Variants in MTMR6 observed in about 807,000 individuals in gnomAD.
MTMR6 encodes myotubularin related protein 6.
Under a neutral mutation model 80.1 loss-of-function variants are expected in MTMR6, and 47 were observed. The ratio of observed to expected loss-of-function variants is 0.59; its 90% CI spans 0.46 to 0.75. MTMR6 has a LOEUF of 0.75. Among genes scored for constraint, MTMR6 ranks in the 30% least tolerant of loss-of-function variants. MTMR6 has a pLI of 0.00. For missense variants in MTMR6, 629 were observed against 730.9 expected (o/e 0.86, Z 1.61); for synonymous variants, 254 against 253.0 (o/e 1.00, Z -0.04).
chr13:25,276,876 C>T (rs1404719040), intron 1 of MTMR6, among the ~76,000 whole-genome samples: 2 of 152,158 alleles, frequency 1.3e-5, no homozygotes, highest in African/African-American at 4.8e-5. Flanking sequence ...TTTCACAACT[C>T]CTGTGTAGTA....
rs1957019075 is a variant in MTMR6, at chr13:25,248,146, A to G, written c.*1086T>C. On this transcript the variant is annotated 3_prime_UTR_variant, in exon 14 of 14. Coordinates refer to ENST00000381801, the MANE Select transcript of MTMR6 (RefSeq NM_004685.5). ...CAAGAAGAAAAATAATGCTCCACAT[A>G]GAAATGACTTCAAAATTCATGCAAC... 6.6e-6 allele frequency: 1 copy of G among 152,154 alleles called. No individual in the cohort carries two copies. The highest frequency in any genetic ancestry group is 1.9e-4 in the East Asian group (1 of 5,194). 9.4% of individuals were successfully genotyped at this position (152,154 alleles called of 1,614,324 possible).
At chr13:25,277,695 G>A (rs1957754701) in intron 1 of MTMR6, among the ~76,000 whole-genome samples, 1 of 152,184 alleles carries the variant, frequency 6.6e-6, no homozygotes, top group African/African-American at 2.4e-5. Context: ...AAAACTACTA[G>A]TAGAACACAT....
intron 1 of MTMR6, among the ~76,000 whole-genome samples, chr13:25,282,611 C>CTTTTTT (rs778665309): frequency 2.3e-5 from 3 of 129,120 alleles, no homozygotes; most frequent in Non-Finnish European, 4.7e-5. Flanking sequence ...TTTCTTTTTT[C>CTTTTTT]TTTTTTTTTT....
intron 1 of MTMR6, among the ~76,000 whole-genome samples, chr13:25,286,258 G>A (rs1008383732): frequency 2.6e-5 from 4 of 152,034 alleles, no homozygotes; most frequent in Non-Finnish European, 5.9e-5. Context: ...AATTCTTCTT[G>A]GAACAATGAA....
chr13:25,258,606 A>T lies in MTMR6; in HGVS notation c.813T>A (p.Ile271=), dbSNP rs764045574. 10 of 1,598,328 alleles carry T rather than the reference A, an allele frequency of 6.3e-6. No homozygotes were observed. The African/African-American group carries it at 6.8e-5, about 11-fold the overall frequency. Residue 271 remains isoleucine, a synonymous_variant, in exon 7 of 14, where the codon ATT becomes ATA. Transcript: ENST00000381801. ...YSNIRFQFVG[I]ENIHVMRSSL... is the part of the protein sequence containing the mutation. ...TGGACCTCATGACATGAATATTTTC[A>T]ATTCCAACAAACTGAAATCTAATAT...
rs1283102695 is a variant in MTMR6 at position 25,264,767 on chromosome 13, A to AG, written c.591+1051_591+1052insC. Among the ~76,000 whole-genome samples, 5 of 150,618 alleles carry AG rather than the reference A, an allele frequency of 3.3e-5. No homozygotes were observed. The East Asian group carries it at 7.8e-4, about 23-fold the overall frequency. ...AAACTCCATCTCAAAAAAAAAAAAAAAAAAAAAAGAAATTTCAGAACACTG... is the reference window on the plus strand; with the variant it reads ...AAACTCCATCTCAAAAAAAAAAAAAAGAAAAAAAAGAAATTTCAGAACACTG... On this transcript the variant is annotated intron_variant, in intron 5 of 13. Coordinates refer to ENST00000381801, the MANE Select transcript of MTMR6 (RefSeq NM_004685.5).
Position 25,251,824 on chromosome 13 carries a change from G to C in MTMR6, c.1478+29C>G. The stretch of plus-strand genomic sequence containing the variant: ...ATAAATTGTGTTTGAGAAAATTCAA[G>C]TATAAATACTCCAATGATGTCAACT... On this transcript the variant is annotated intron_variant, in intron 12 of 13. Transcript: ENST00000381801. The surrounding 1 kb of genome is among the most constrained non-coding windows in gnomAD (Gnocchi z 4.1). 2 of 1,602,716 alleles carry C rather than the reference G, an allele frequency of 1.2e-6. No homozygotes were observed. Among genetic ancestry groups the C allele is most frequent in the Non-Finnish European group, 1.7e-6 (2 of 1,177,010 alleles).
At chr13:25,256,149 T>C (rs1957203628) in intron 9 of MTMR6, among the ~76,000 whole-genome samples, 1 of 152,148 alleles carries the variant, frequency 6.6e-6, no homozygotes, top group African/African-American at 2.4e-5. Flanking sequence ...CCCCCTATTC[T>C]AATACTCACT....
chr13:25,252,366 C>T (rs1337937297), intron 11 of MTMR6, among the ~76,000 whole-genome samples: 1 of 152,220 alleles, frequency 6.6e-6, no homozygotes, highest in Non-Finnish European at 1.5e-5. Context: ...CTTAACCCCA[C>T]GTCTGGGCCG....
intron 10 of MTMR6, 76 bp from the exon 11 acceptor site, chr13:25,254,040 A>T: frequency 7.1e-7 from 1 of 1,401,336 alleles, no homozygotes; most frequent in South Asian, 1.3e-5. Flanking sequence ...AATCTTAAAC[A>T]TACAAAAATA....
chr13:25,264,299 A>T (rs535796597), intron 5 of MTMR6, among the ~76,000 whole-genome samples: 48 of 152,250 alleles, frequency 3.2e-4, no homozygotes, highest in Admixed American at 8.5e-4. Context: ...GAAAGTTTTT[A>T]AAAAAGTAGA....
chr13:25,283,389 G>A (rs77474078), intron 1 of MTMR6, among the ~76,000 whole-genome samples: 9,946 of 152,098 alleles, frequency 0.065, 387 homozygotes, highest in Admixed American at 0.091. Context: ...CACTTTACTT[G>A]GAAAAAAGCA....
intron 9 of MTMR6, among the ~76,000 whole-genome samples, chr13:25,255,585 G>A (rs376272142): frequency 9.2e-5 from 14 of 151,954 alleles, no homozygotes; most frequent in South Asian, 4.2e-4. Context: ...GTGCAGTGGC[G>A]CAATCTTGGC....
intron 9 of MTMR6, 30 bp downstream of exon 9, chr13:25,257,166 A>G: frequency 6.3e-7 from 1 of 1,597,908 alleles, no homozygotes; most frequent in Non-Finnish European, 8.5e-7. Context: ...CCTACTTAAG[A>G]ACCATTGGTC....
At chr13:25,264,114 A>G (rs77839004) in intron 5 of MTMR6, among the ~76,000 whole-genome samples, 10,426 of 152,146 alleles carry the variant, frequency 0.069, 430 homozygotes, top group Admixed American at 0.095. Context: ...AACATCCTCA[A>G]AGAACTAAAA....
chr13:25,252,317 T>C (rs944697921), intron 11 of MTMR6, among the ~76,000 whole-genome samples: 3 of 152,162 alleles, frequency 2.0e-5, no homozygotes, highest in Non-Finnish European at 4.4e-5. Context: ...AACATACACA[T>C]AGAACAAGAC....
At chr13:25,266,321 T>C in intron 3 of MTMR6, 35 bp from the exon 4 acceptor site, 3 of 1,530,402 alleles carry the variant, frequency 2.0e-6, no homozygotes, top group Non-Finnish European at 2.7e-6. Context: ...TTAAGTGCAA[T>C]TTATAAGACT....
Position 25,267,849 on chromosome 13 carries a change from C to T in MTMR6, c.234G>A (p.Val78=). The part of the protein sequence containing the change: ...LVIQCKNFRT[V]HFIVPRERDC... ...CTCTTTCTCTGGGAACAATGAAATG[C>T]ACAGTTCTGAAGTTCTTGCACTGTA... Residue 78 remains valine (V), a synonymous_variant, in exon 3 of 14, where the codon GTG becomes GTA. Transcript: ENST00000381801. The T allele has an allele frequency of 6.2e-7, 1 of 1,613,576 alleles. No individual in the cohort carries two copies. Among genetic ancestry groups the T allele is most frequent in the Middle Eastern group, 1.7e-4 (1 of 6,060 alleles).
In MTMR6 at chr13:25,287,292, A is replaced by C. The variant is rs1380712071; in HGVS notation, c.-45T>G. The C allele has an allele frequency of 6.4e-7, 1 of 1,573,270 alleles. No individual in the cohort carries two copies. Among genetic ancestry groups the C allele is most frequent in the Non-Finnish European group, 8.6e-7 (1 of 1,162,948 alleles). ...GCAGCCGGTCTCACAGGCGTACCAT[A>C]CGGCTACAGAAACAGGGCGGTGACA... On this transcript the variant is annotated 5_prime_UTR_variant, in exon 1 of 14. Coordinates refer to ENST00000381801, the MANE Select transcript of MTMR6 (RefSeq NM_004685.5).
Sources: gnomAD v4.1 joint callset for allele counts (sites outside exome capture counted in the v4.1 genomes callset) on GRCh38, gnomAD v4.1.1 for gene constraint, Gnocchi (gnomAD v3.1) non-coding constraint, MANE v1.5 for transcripts, NCBI Gene and HGNC (gene_info 2026-07-23, HGNC 2026-07-21) for gene names.